Variants in RNF38 observed in about 807,000 individuals in gnomAD.
RNF38 encodes the protein E3 ubiquitin-protein ligase RNF38.
In RNF38, 15 loss-of-function variants were observed where a neutral mutation model predicts 67.2. That is an observed-to-expected ratio of 0.22 (90% CI 0.15 to 0.34). RNF38 has a LOEUF of 0.34. Ranked by LOEUF, RNF38 falls within the 10% of genes least tolerant of loss-of-function variation. RNF38 has a pLI of 1.00. For missense variants in RNF38, 524 were observed against 639.9 expected, an observed-to-expected ratio of 0.82 and a Z score of 1.95; for synonymous variants, 220 against 218.8, an observed-to-expected ratio of 1.01 and a Z score of -0.05.
chr9:36,362,806 G>T (rs1046918697), intron 4 of RNF38, among the ~76,000 whole-genome samples: 1 of 151,944 alleles, frequency 6.6e-6, no homozygotes, highest in African/African-American at 2.4e-5. Context: ...GCTAATTTTT[G>T]TATTTTTAGT....
At chr9:36,359,516 T>C (rs1834363758) in intron 4 of RNF38, among the ~76,000 whole-genome samples, 1 of 152,182 alleles carries the variant, frequency 6.6e-6, no homozygotes, top group Non-Finnish European at 1.5e-5. Flanking sequence ...ATTCATTAAG[T>C]ACGCACACAT....
intron 1 of RNF38, among the ~76,000 whole-genome samples, chr9:36,438,895 A>G (rs1839131922): frequency 6.6e-6 from 1 of 152,224 alleles, no homozygotes; most frequent in Non-Finnish European, 1.5e-5. Flanking sequence ...CAACATGGAC[A>G]TGAGAGCTTA....
intron 3 of RNF38, 23 bp downstream of exon 3, chr9:36,375,911 G>T (rs1463613956): frequency 2.5e-6 from 4 of 1,575,310 alleles, no homozygotes; most frequent in Non-Finnish European, 3.4e-6. Context: ...GAAAACTTAA[G>T]AAATAAATTG....
intron 1 of RNF38, among the ~76,000 whole-genome samples, chr9:36,435,660 G>A (rs972241361): frequency 1.8e-4 from 26 of 147,470 alleles, no homozygotes; most frequent in African/African-American, 6.0e-4. Flanking sequence ...TCGCTCTGTC[G>A]CCCAGGCTGG....
intron 1 of RNF38, among the ~76,000 whole-genome samples, chr9:36,437,981 G>A (rs768370059): frequency 6.6e-6 from 1 of 152,178 alleles, no homozygotes; most frequent in Non-Finnish European, 1.5e-5. Context: ...GTCTCACTCT[G>A]TAGCCCCACG....
At position 36,475,071 on chromosome 9, in the gene RNF38, A is replaced by G. The variant is rs1266776080; in HGVS notation, n.241+12237T>C. On this transcript the variant is annotated intron_variant and non_coding_transcript_variant, in intron 1 of 3. Transcript: ENST00000488058. ...TAAGGCAGGAGAATTGCTTGAACCC[A>G]GGAGGTGGAGGTTGCAGTGAGCAGA... is the stretch of plus-strand genomic sequence containing the variant. Among the ~76,000 whole-genome samples, 11 of 123,382 alleles carry G rather than the reference A, an allele frequency of 8.9e-5. 3 individuals carry two copies. Among genetic ancestry groups the G allele is most frequent in the East Asian group, 8.1e-4 (2 of 2,476 alleles). 80.9% of individuals were successfully genotyped at this position (123,382 alleles called of 152,430 possible). A position where few individuals can be genotyped will look rare whatever the true frequency, so the allele number is the denominator to read the frequency against.
intron 9 of RNF38, among the ~76,000 whole-genome samples, chr9:36,345,928 A>AT (rs1833192542): frequency 6.6e-6 from 1 of 152,190 alleles, no homozygotes; most frequent in African/African-American, 2.4e-5. Context: ...TCCTATAAAT[A>AT]GGGAGATGTG....
rs941772671 is a variant in RNF38 at position 36,342,235 on chromosome 9, C to A, written c.1485+90G>T. 17 of 890,474 alleles carry A rather than the reference C, an allele frequency of 1.9e-5. No homozygotes were observed. In the African/African-American group the frequency reaches 2.8e-4, roughly 15 times the overall value. The allele number at this position is 890,474 out of a possible 1,614,324, so 55.2% of individuals were successfully genotyped here. A position where few individuals can be genotyped will look rare whatever the true frequency, so the allele number is the denominator to read the frequency against. On this transcript the variant is annotated intron_variant, in intron 11 of 11. Transcript: ENST00000259605. The stretch of plus-strand genomic sequence containing the variant: ...GCTGTGTTTCCATTTTGTCTTCCTT[C>A]CTGTCCACTGAGCTATGAACTTACT...
At chr9:36,390,176 T>C (rs944367685) in intron 2 of RNF38, among the ~76,000 whole-genome samples, 23 of 152,210 alleles carry the variant, frequency 1.5e-4, no homozygotes, top group African/African-American at 5.6e-4. Context: ...CACTATCTTC[T>C]ACTTTCCTAC....
At chr9:36,351,711 T>C (rs1424248904) in intron 8 of RNF38, among the ~76,000 whole-genome samples, 2 of 152,228 alleles carry the variant, frequency 1.3e-5, no homozygotes, top group Non-Finnish European at 2.9e-5. Context: ...CCTTCTGGTA[T>C]AAAAACTGTA....
At chr9:36,417,303 C>A (rs756621642) in intron 2 of RNF38, among the ~76,000 whole-genome samples, 3 of 152,138 alleles carry the variant, frequency 2.0e-5, no homozygotes, top group African/African-American at 4.8e-5. Flanking sequence ...TATGTTCCTG[C>A]GGTAGTTCTT....
At chr9:36,447,652 T>G (rs1353763301) in intron 1 of RNF38, among the ~76,000 whole-genome samples, 1 of 152,132 alleles carries the variant, frequency 6.6e-6, no homozygotes, top group African/African-American at 2.4e-5. Flanking sequence ...TTTAATATAA[T>G]CTGAACTCTT....
intron 1 of RNF38, among the ~76,000 whole-genome samples, chr9:36,471,699 C>T: frequency 6.6e-6 from 1 of 152,150 alleles, no homozygotes; most frequent in Non-Finnish European, 1.5e-5. Flanking sequence ...ACTAAACATT[C>T]CAGAGTCAAA....
At chr9:36,484,739 C>G (rs904973733) in intron 1 of RNF38, among the ~76,000 whole-genome samples, 7 of 152,152 alleles carry the variant, frequency 4.6e-5, no homozygotes, top group African/African-American at 1.4e-4. Flanking sequence ...ATTTTACACA[C>G]GTGAAACGAT....
chr9:36,450,372 G>T (rs1327743633), intron 1 of RNF38, among the ~76,000 whole-genome samples: 1 of 152,106 alleles, frequency 6.6e-6, no homozygotes, highest in Admixed American at 6.6e-5. Flanking sequence ...TGGGAGGAAA[G>T]GCAGGGAACC....
At chr9:36,468,044 A>C (rs1839905812) in intron 1 of RNF38, among the ~76,000 whole-genome samples, 1 of 152,044 alleles carries the variant, frequency 6.6e-6, no homozygotes, top group Non-Finnish European at 1.5e-5. Flanking sequence ...GGAGTTCAAG[A>C]CTAGTCTAGG....
At position 36,461,912 on chromosome 9, in the gene RNF38, C is replaced by G. The variant is rs139280974; in HGVS notation, n.241+25396G>C. On this transcript the variant is annotated intron_variant and non_coding_transcript_variant, in intron 1 of 3. Transcript: ENST00000488058. The stretch of plus-strand genomic sequence containing the variant: ...CTCAGCACATAAATGATATTTAAAT[C>G]CTTGGGAACAAATGCTATCATCCAG... Among the ~76,000 whole-genome samples the G allele has an allele frequency of 8.7e-3, 1,319 of 152,204 alleles. 17 individuals carry two copies. The highest frequency in any genetic ancestry group is 0.03 in the African/African-American group (1,236 of 41,516).
At chr9:36,402,745 T>G (rs1183794671), upstream of RNF38, among the ~76,000 whole-genome samples, 1 of 152,232 alleles carries the variant, frequency 6.6e-6, no homozygotes, top group African/African-American at 2.4e-5. Flanking sequence ...CCCTCTGAGC[T>G]TCAGCCAACC....
chr9:36,348,848 A>C (rs545947012), intron 9 of RNF38, among the ~76,000 whole-genome samples: 11 of 152,384 alleles, frequency 7.2e-5, no homozygotes, highest in African/African-American at 2.6e-4. Context: ...TGAATACACT[A>C]AACAATGGAT....
Sources: gnomAD v4.1 joint callset for allele counts (sites outside exome capture counted in the v4.1 genomes callset) on GRCh38, gnomAD v4.1.1 for gene constraint, MANE v1.5 for transcripts, NCBI Gene and HGNC (gene_info 2026-07-23, HGNC 2026-07-21) for gene names.